TEX29: variants seen among roughly 807,000 people sequenced by gnomAD.
TEX29 encodes testis expressed 29.
A neutral mutation model predicts 18.2 loss-of-function variants in TEX29; 26 were observed. The ratio of observed to expected loss-of-function variants is 1.43; its 90% confidence interval spans 1.04 to 1.98. TEX29 has a LOEUF of 1.98. Ranked by LOEUF, TEX29 falls within the 30% of genes most tolerant of loss-of-function variation. The pLI, the probability that TEX29 is intolerant of heterozygous loss-of-function variation, is 0.00. For missense variants in TEX29, 177 were observed against 194.2 expected (o/e 0.91, Z 0.53); for synonymous variants, 83 against 78.5 (o/e 1.06, Z -0.31).
chr13:111,332,634 A>G (rs1464452483), intron 3 of TEX29, among the ~76,000 whole-genome samples: 1 of 152,212 alleles, frequency 6.6e-6, no homozygotes, highest in African/African-American at 2.4e-5. Context: ...TCAGTGTTTC[A>G]CCATTAAATA....
At chr13:111,323,757 C>T (rs1354467035) in intron 2 of TEX29, among the ~76,000 whole-genome samples, 2 of 152,064 alleles carry the variant, frequency 1.3e-5, no homozygotes, top group Admixed American at 1.3e-4. Context: ...CCCAGATCCC[C>T]ATCCGTGGTT....
At chr13:111,339,531 A>G (rs576343987) in intron 3 of TEX29, 1 of 442,066 alleles carries the variant, frequency 2.3e-6, no homozygotes, top group Non-Finnish European at 4.2e-6. Flanking sequence ...AGCCAGCGCC[A>G]TCTTTCCATG....
At chr13:111,337,098 T>C (rs1305421025) in intron 3 of TEX29, among the ~76,000 whole-genome samples, 5 of 152,350 alleles carry the variant, frequency 3.3e-5, no homozygotes. Context: ...ATTCACCCTT[T>C]CACTTTATTT....
intron 3 of TEX29, among the ~76,000 whole-genome samples, chr13:111,331,473 G>A (rs980166751): frequency 6.6e-6 from 1 of 152,036 alleles, no homozygotes; most frequent in Non-Finnish European, 1.5e-5. Flanking sequence ...TATTAGAAAT[G>A]TGACTTGCAA....
rs942644585 is a variant in TEX29, at chr13:111,339,949, T to C, written c.239+17T>C. On this transcript the variant is annotated intron_variant, in intron 4 of 5. Coordinates refer to ENST00000283547, the MANE Select transcript of TEX29 (RefSeq NM_152324.3). ...CATCTACAGGTCGGTCCCTTTGTTCTTTACTGGGAGGGTGGGGAGGAGGGG... is the reference window on the plus strand; with the variant it reads ...CATCTACAGGTCGGTCCCTTTGTTCCTTACTGGGAGGGTGGGGAGGAGGGG... 1.3e-6 allele frequency: 2 copies of C among 1,562,208 alleles called. No homozygotes were observed. The highest frequency in any genetic ancestry group is 1.8e-6 in the Non-Finnish European group (2 of 1,133,002).
Sources: allele counts gnomAD v4.1 joint callset (sites outside exome capture counted in the v4.1 genomes callset), GRCh38; gene constraint gnomAD v4.1.1; transcripts MANE v1.5; gene names NCBI Gene and HGNC (gene_info 2026-07-23, HGNC 2026-07-21).